The following COL13A1 variants were observed in gnomAD, a reference collection of about 807,000 sequenced individuals.
The protein encoded by COL13A1 is collagen alpha-1(XIII) chain.
A neutral mutation model predicts 130.9 loss-of-function variants in COL13A1; 89 were observed. That is an observed-to-expected ratio of 0.68 (90% CI 0.57 to 0.81). COL13A1 has a LOEUF of 0.81. COL13A1 is among the 30% of genes least tolerant of loss of function. The pLI is 0.00. For missense variants in COL13A1, 879 were observed against 934.6 expected, an observed-to-expected ratio of 0.94 and a Z score of 0.78; for synonymous variants, 402 against 341.6, an observed-to-expected ratio of 1.18 and a Z score of -1.95.
At chr10:69,921,165 G>A (rs1451579851) in intron 21 of COL13A1, among the ~76,000 whole-genome samples, 1 of 152,144 alleles carries the variant, frequency 6.6e-6, no homozygotes, top group African/African-American at 2.4e-5. Flanking sequence ...GGGAGAATCT[G>A]CTCCAAGCCT....
intron 13 of COL13A1, chr10:69,897,665 G>A (rs1313695074): frequency 2.9e-6 from 3 of 1,023,198 alleles, no homozygotes; most frequent in Non-Finnish European, 4.3e-6. Context: ...TGTCCAAGAA[G>A]GCAGCAGCTG....
chr10:69,821,394 T>A (rs1004438758), intron 1 of COL13A1, among the ~76,000 whole-genome samples: 2 of 152,176 alleles, frequency 1.3e-5, no homozygotes, highest in African/African-American at 4.8e-5. Flanking sequence ...GCCTTGACCT[T>A]GGCCAGGTGC....
At chr10:69,812,574 C>T (rs2763354) in intron 1 of COL13A1, among the ~76,000 whole-genome samples, 150,383 of 152,334 alleles carry the variant, frequency 0.99, 74,253 homozygotes, top group East Asian at 1. Context: ...CCAGGCTTCC[C>T]GGGTTCAAAT....
intron 40 of COL13A1, 143 bp from the exon 41 acceptor site, chr10:69,958,556 C>A: frequency 2.3e-6 from 3 of 1,299,770 alleles, no homozygotes; most frequent in Non-Finnish European, 2.1e-6. Flanking sequence ...TTTCTTTCAC[C>A]TAGGGGCTCA....
intron 8 of COL13A1, among the ~76,000 whole-genome samples, chr10:69,887,898 C>A (rs2060758934): frequency 6.6e-6 from 1 of 152,172 alleles, no homozygotes. Context: ...TCCTTGACCT[C>A]TGCTTATGGG....
At chr10:69,813,400 G>C (rs1311587709) in intron 1 of COL13A1, among the ~76,000 whole-genome samples, 1 of 152,208 alleles carries the variant, frequency 6.6e-6, no homozygotes, top group African/African-American at 2.4e-5. Context: ...CTCACATAGG[G>C]GTATGTGCCT....
chr10:69,921,973 T>C, intron 22 of COL13A1, 38 bp downstream of exon 22: 3 of 1,575,206 alleles, frequency 1.9e-6, no homozygotes, highest in Non-Finnish European at 2.6e-6. Flanking sequence ...AAGTCCTTCG[T>C]CACCCACATC....
At chr10:69,904,325 G>C (rs773248339) in intron 15 of COL13A1, among the ~76,000 whole-genome samples, 13 of 152,026 alleles carry the variant, frequency 8.6e-5, no homozygotes, top group Non-Finnish European at 1.6e-4. Flanking sequence ...GAAAACCAGA[G>C]AGCATGTTTC....
chr10:69,866,966 T>C (rs1249508559), intron 2 of COL13A1, among the ~76,000 whole-genome samples: 2 of 152,084 alleles, frequency 1.3e-5, no homozygotes, highest in Admixed American at 1.3e-4. Flanking sequence ...GTTTCGTGGC[T>C]CATGTTCCGC....
At chr10:69,931,347 A>G (rs930955069) in intron 30 of COL13A1, 5 of 392,810 alleles carry the variant, frequency 1.3e-5, no homozygotes, top group African/African-American at 1.0e-4. Context: ...GGTGCCTGAC[A>G]CTGTGACGAG....
intron 4 of COL13A1, 145 bp downstream of exon 4, chr10:69,872,355 G>A (rs1295393394): frequency 1.1e-6 from 1 of 916,698 alleles, no homozygotes; most frequent in Non-Finnish European, 1.7e-6. Flanking sequence ...CTATAGCTTA[G>A]GGTGAAGTCA....
At chr10:69,845,278 C>T (rs564184858) in intron 2 of COL13A1, among the ~76,000 whole-genome samples, 37 of 151,794 alleles carry the variant, frequency 2.4e-4, no homozygotes, top group African/African-American at 8.5e-4. Flanking sequence ...CTGCAACCTC[C>T]GCCTCCCAGG....
intron 37 of COL13A1, among the ~76,000 whole-genome samples, chr10:69,946,517 T>A (rs541779260): frequency 6.6e-6 from 1 of 152,374 alleles, no homozygotes; most frequent in African/African-American, 2.4e-5. Flanking sequence ...GGAGGCTGTG[T>A]GTGTTGGCCA....
At position 69,947,365 on chromosome 10, in the gene COL13A1, G is replaced by A. The variant is rs544674819; in HGVS notation, c.2058+23G>A. The A allele has an allele frequency of 4.4e-6, 7 of 1,599,944 alleles. No individual in the cohort carries two copies. The Admixed American group carries it at 5.2e-5, about 12-fold the overall frequency. ...CGGGTGAGTCTGAGCCCCTGCACTC[G>A]TGCTCTAGTTACTAATGTCTTCATG... On this transcript the variant is annotated intron_variant, in intron 38 of 40. Coordinates refer to ENST00000645393, the MANE Select transcript of COL13A1 (RefSeq NM_001368882.1).
chr10:69,917,079 G>C (rs757716061), intron 17 of COL13A1, among the ~76,000 whole-genome samples: 16 of 152,122 alleles, frequency 1.1e-4, no homozygotes, highest in Non-Finnish European at 1.9e-4. Context: ...GGCCTTTCCT[G>C]CTCTGTGACC....
At chr10:69,936,197 A>C (rs892791971) in intron 32 of COL13A1, among the ~76,000 whole-genome samples, 22 of 149,320 alleles carry the variant, frequency 1.5e-4, no homozygotes, top group South Asian at 6.5e-4. Flanking sequence ...GAAGGAAGGA[A>C]GGGCGAGCCC....
chr10:69,946,377 G>A (rs1037135048), intron 37 of COL13A1, among the ~76,000 whole-genome samples: 1 of 152,182 alleles, frequency 6.6e-6, no homozygotes, highest in Non-Finnish European at 1.5e-5. Context: ...GATAGGAGAG[G>A]CTTCATGAGC....
At chr10:69,889,269 A>T in intron 9 of COL13A1, 145 bp from the exon 10 acceptor site, 1 of 1,046,488 alleles carries the variant, frequency 9.6e-7, no homozygotes, top group Non-Finnish European at 1.4e-6. Flanking sequence ...TGCACAAGCC[A>T]GAAGGTGCAG....
chr10:69,814,003 T>G (rs552943087), intron 1 of COL13A1, among the ~76,000 whole-genome samples: 2 of 152,280 alleles, frequency 1.3e-5, no homozygotes, highest in Admixed American at 6.5e-5. Flanking sequence ...GTAATTCGGT[T>G]GGAGTGTGGA....
Sources: allele counts gnomAD v4.1 joint callset (sites outside exome capture counted in the v4.1 genomes callset), GRCh38; gene constraint gnomAD v4.1.1; transcripts MANE v1.5; gene names NCBI Gene and HGNC (gene_info 2026-07-23, HGNC 2026-07-21).